TRPM3: variants seen among roughly 807,000 people sequenced by gnomAD.
The protein encoded by TRPM3 is long transient receptor potential channel 3.
TRPM3 carries 77 observed loss-of-function variants against 181.2 expected under a neutral mutation model. The ratio of observed to expected loss-of-function variants is 0.42; its 90% CI spans 0.35 to 0.51. The LOEUF is 0.51. TRPM3 is among the 20% of genes least tolerant of loss of function. The probability of loss-of-function intolerance (pLI) is 0.01; values close to 1 mark genes in which losing one functional copy is unlikely to be tolerated. For missense variants in TRPM3, 1,759 were observed against 2,196.7 expected (o/e 0.80, Z 3.98); for synonymous variants, 745 against 796.4 (o/e 0.94, Z 1.09).
At chr9:70,974,638 A>T (rs2133957703) in intron 1 of TRPM3, among the ~76,000 whole-genome samples, 1 of 152,070 alleles carries the variant, frequency 6.6e-6, no homozygotes, top group East Asian at 2.0e-4. Flanking sequence ...ATGAGGCGGG[A>T]GAATCGCTAG....
At chr9:71,267,280 A>G (rs2083454830) in intron 1 of TRPM3, among the ~76,000 whole-genome samples, 1 of 152,168 alleles carries the variant, frequency 6.6e-6, no homozygotes, top group South Asian at 2.1e-4. Flanking sequence ...CTGGAATATT[A>G]CCTTATGACA....
At chr9:71,261,756 G>A (rs2083071052) in intron 1 of TRPM3, among the ~76,000 whole-genome samples, 2 of 152,100 alleles carry the variant, frequency 1.3e-5, no homozygotes, top group Non-Finnish European at 2.9e-5. Flanking sequence ...TAACAATCAG[G>A]CCCCTTTTCT....
chr9:71,327,545 A>G (rs1031821367), intron 1 of TRPM3, among the ~76,000 whole-genome samples: 4 of 152,224 alleles, frequency 2.6e-5, no homozygotes, highest in African/African-American at 9.6e-5. Context: ...ACCTAGGAAC[A>G]GGGAAAACAG....
At chr9:70,826,326 GTC>G (rs2093554344) in intron 6 of TRPM3, 1 of 152,142 alleles carries the variant, frequency 6.6e-6, no homozygotes, top group Non-Finnish European at 1.5e-5. Context: ...ATCTCTGCTG[GTC>G]TCTGTATATT....
chr9:71,158,806 C>T (rs1324828207), intron 1 of TRPM3, among the ~76,000 whole-genome samples: 1 of 152,094 alleles, frequency 6.6e-6, no homozygotes, highest in Admixed American at 6.6e-5. Flanking sequence ...GATTACCCTC[C>T]TCGATGTGGG....
intron 1 of TRPM3, among the ~76,000 whole-genome samples, chr9:71,257,356 G>C (rs938397590): frequency 3.9e-4 from 59 of 152,236 alleles, no homozygotes; most frequent in Admixed American, 2.5e-3. Flanking sequence ...CGGATCCCAG[G>C]TTGTCAAATA....
At chr9:71,027,440 G>T (rs2056712346) in intron 1 of TRPM3, among the ~76,000 whole-genome samples, 1 of 152,214 alleles carries the variant, frequency 6.6e-6, no homozygotes, top group Non-Finnish European at 1.5e-5. Flanking sequence ...TAGTTCCCCA[G>T]CAAGGGTTCT....
intron 6 of TRPM3, among the ~76,000 whole-genome samples, chr9:70,803,696 C>G (rs2089928279): frequency 6.6e-6 from 1 of 151,856 alleles, no homozygotes; most frequent in Non-Finnish European, 1.5e-5. Context: ...GTGATCAGTC[C>G]GTCTCGGCCT....
At chr9:71,243,323 C>T (rs901012307) in intron 1 of TRPM3, among the ~76,000 whole-genome samples, 7 of 152,230 alleles carry the variant, frequency 4.6e-5, no homozygotes, top group Non-Finnish European at 2.9e-5. Context: ...GGTACCCAGC[C>T]TGCACCTGCT....
chr9:71,086,414 T>C (rs768577145), intron 1 of TRPM3, among the ~76,000 whole-genome samples: 17 of 151,924 alleles, frequency 1.1e-4, no homozygotes, highest in Non-Finnish European at 2.2e-4. Flanking sequence ...CCTTAAAAAA[T>C]GAGGTATAAG....
chr9:70,542,839 G>C (rs1422251216), intron 25 of TRPM3, among the ~76,000 whole-genome samples: 2 of 152,148 alleles, frequency 1.3e-5, no homozygotes, highest in Non-Finnish European at 2.9e-5. Flanking sequence ...AGGGTAAACA[G>C]GTTTCAAATC....
At chr9:71,097,641 C>T (rs2067560550) in intron 1 of TRPM3, among the ~76,000 whole-genome samples, 1 of 151,818 alleles carries the variant, frequency 6.6e-6, no homozygotes, top group Admixed American at 6.6e-5. Flanking sequence ...CCCACTATTC[C>T]AGCTTATGTG....
In TRPM3 at chr9:70,529,461, C is replaced by T. The variant is rs1368915333; in HGVS notation, c.*6492G>A. 6.6e-6 allele frequency: 1 copy of T among 152,106 alleles called. No homozygotes were observed. Among genetic ancestry groups the T allele is most frequent in the Non-Finnish European group, 1.5e-5 (1 of 68,030 alleles). 9.4% of individuals were successfully genotyped at this position (152,106 alleles called of 1,614,324 possible). ...CTATATTATGAAATGGCTATGAGTA[C>T]AGTATACTGCACGTACTGTTTTTAC... On this transcript the variant is annotated 3_prime_UTR_variant, in exon 26 of 26. Coordinates refer to ENST00000677713, the MANE Select transcript of TRPM3 (RefSeq NM_001366145.2).
At chr9:70,539,291 G>A (rs1277770251) in intron 25 of TRPM3, among the ~76,000 whole-genome samples, 1 of 152,044 alleles carries the variant, frequency 6.6e-6, no homozygotes. Flanking sequence ...GGATCTCTGG[G>A]AGACCTATAG....
intron 1 of TRPM3, among the ~76,000 whole-genome samples, chr9:71,249,802 C>G (rs1024870561): frequency 6.6e-6 from 1 of 152,032 alleles, no homozygotes; most frequent in Non-Finnish European, 1.5e-5. Context: ...AACTGCAGAA[C>G]AGAAAGCAAC....
intron 1 of TRPM3, among the ~76,000 whole-genome samples, chr9:71,059,010 C>CTTTTTTTTTTTTTTTTT (rs1491270019): frequency 6.3e-5 from 1 of 15,932 alleles, no homozygotes; most frequent in African/African-American, 2.4e-4. Flanking sequence ...TTTGTTTGTT[C>CTTTTTTTTTTTTTTTTT]ATTTTTTTTT....
Position 71,282,378 on chromosome 9 carries a change from AGAAAGAAAG to A in TRPM3, c.183+164266_183+164274del, listed in dbSNP as rs1270601785. 2.4e-4 allele frequency among the ~76,000 whole-genome samples: 22 copies of A among 90,002 alleles called. 3 individuals carry two copies. The highest frequency in any genetic ancestry group is 3.6e-4 in the Admixed American group (4 of 11,208). 59.0% of individuals were successfully genotyped at this position (90,002 alleles called of 152,430 possible). A position where few individuals can be genotyped will look rare whatever the true frequency, so the allele number is the denominator to read the frequency against. On this transcript the variant is annotated intron_variant, in intron 1 of 24. Coordinates refer to the TRPM3 transcript ENST00000357533. ...GAAAGAAAAAGAAAGAATGAAAGAA[AGAAAGAAAG>A]GAAAGAAAGAAAGGAAAAGAAAGAA...
intron 8 of TRPM3, among the ~76,000 whole-genome samples, chr9:70,753,246 T>TA (rs2135124075): frequency 6.8e-6 from 1 of 146,604 alleles, no homozygotes; most frequent in South Asian, 2.1e-4. Context: ...TCAAAGTACA[T>TA]CAAAAAAAGT....
At chr9:70,605,453 C>A (rs1191213164) in intron 19 of TRPM3, among the ~76,000 whole-genome samples, 1 of 151,756 alleles carries the variant, frequency 6.6e-6, no homozygotes. Flanking sequence ...ACCCCCACCC[C>A]CACCCCCAGG....
Sources: gnomAD v4.1 joint callset for allele counts (sites outside exome capture counted in the v4.1 genomes callset) on GRCh38, gnomAD v4.1.1 for gene constraint, MANE v1.5 for transcripts, NCBI Gene and HGNC (gene_info 2026-07-23, HGNC 2026-07-21) for gene names.